The following ASIC2 variants were observed in gnomAD, a reference collection of about 807,000 sequenced individuals.
ASIC2 encodes acid-sensing ion channel 2.
ASIC2 carries 25 observed loss-of-function variants against 57.3 expected under a neutral mutation model. That is an observed-to-expected ratio of 0.44 (90% CI 0.32 to 0.61). The LOEUF (loss-of-function observed/expected upper bound fraction) is 0.61. Ranked by LOEUF, ASIC2 falls within the 20% of genes least tolerant of loss-of-function variation. The pLI, the probability that ASIC2 is intolerant of heterozygous loss-of-function variation, is 0.06. For missense variants in ASIC2, 641 were observed against 738.1 expected, an observed-to-expected ratio of 0.87 and a Z score of 1.52; for synonymous variants, 319 against 307.5, an observed-to-expected ratio of 1.04 and a Z score of -0.39.
At chr17:33,237,767 C>T (rs1908351640) in intron 1 of ASIC2, among the ~76,000 whole-genome samples, 1 of 152,198 alleles carries the variant, frequency 6.6e-6, no homozygotes. Flanking sequence ...AGGGTGGATA[C>T]TGCACTATTA....
chr17:34,073,684 C>T (rs904615391), intron 1 of ASIC2, among the ~76,000 whole-genome samples: 4 of 152,276 alleles, frequency 2.6e-5, no homozygotes, highest in East Asian at 3.9e-4. Context: ...TTTGACTTAC[C>T]TACTTTATTT....
At chr17:33,523,342 C>T (rs1311261131) in intron 1 of ASIC2, among the ~76,000 whole-genome samples, 3 of 152,140 alleles carry the variant, frequency 2.0e-5, no homozygotes, top group Non-Finnish European at 2.9e-5. Flanking sequence ...CTGCAACCTC[C>T]TACTCCCAGA....
intron 1 of ASIC2, among the ~76,000 whole-genome samples, chr17:33,671,213 C>A (rs544311260): frequency 6.6e-6 from 1 of 152,214 alleles, no homozygotes; most frequent in African/African-American, 2.4e-5. Context: ...CTTTCTTCGT[C>A]TCACATGGCA....
At chr17:33,887,848 C>T (rs1914864987) in intron 1 of ASIC2, among the ~76,000 whole-genome samples, 1 of 152,120 alleles carries the variant, frequency 6.6e-6, no homozygotes, top group African/African-American at 2.4e-5. Context: ...CAAATATATA[C>T]ACAGACAGTC....
At chr17:33,740,096 G>T (rs777605971) in intron 1 of ASIC2, among the ~76,000 whole-genome samples, 1 of 152,144 alleles carries the variant, frequency 6.6e-6, no homozygotes, top group Non-Finnish European at 1.5e-5. Flanking sequence ...GAGAGCCAGG[G>T]TTATTCAAAG....
chr17:33,730,568 G>C (rs1185058661), intron 1 of ASIC2, among the ~76,000 whole-genome samples: 6 of 152,194 alleles, frequency 3.9e-5, no homozygotes, highest in Non-Finnish European at 7.3e-5. Flanking sequence ...GAATATAAAT[G>C]AACCATTCTA....
chr17:33,324,335 G>T (rs2142218734), intron 1 of ASIC2, among the ~76,000 whole-genome samples: 1 of 152,164 alleles, frequency 6.6e-6, no homozygotes, highest in South Asian at 2.1e-4. Flanking sequence ...CATTATCACT[G>T]GGCAACTTGA....
intron 1 of ASIC2, among the ~76,000 whole-genome samples, chr17:33,363,918 C>A (rs1037180808): frequency 3.3e-5 from 5 of 152,202 alleles, no homozygotes; most frequent in African/African-American, 1.2e-4. Context: ...CCACCTGCAG[C>A]CAGCCTCCCG....
chr17:34,129,311 G>T (rs1911884527), intron 1 of ASIC2, among the ~76,000 whole-genome samples: 1 of 152,172 alleles, frequency 6.6e-6, no homozygotes, highest in Non-Finnish European at 1.5e-5. Context: ...GCCCCACTCT[G>T]CCTCACTCTG....
intron 1 of ASIC2, among the ~76,000 whole-genome samples, chr17:33,537,048 C>T (rs980299487): frequency 6.6e-6 from 1 of 152,202 alleles, no homozygotes; most frequent in Admixed American, 6.5e-5. Flanking sequence ...CACCACATCA[C>T]TTCCCTGCCC....
chr17:33,685,459 G>C lies in ASIC2; in HGVS notation c.555+470519C>G, dbSNP rs572021168. Among the ~76,000 whole-genome samples, 4 of 152,218 alleles carry C rather than the reference G, an allele frequency of 2.6e-5. No individual in the cohort carries two copies. The East Asian group carries it at 5.8e-4, about 22-fold the overall frequency. On this transcript the variant is annotated intron_variant, in intron 1 of 9. Transcript: ENST00000359872. The stretch of plus-strand genomic sequence containing the variant: ...CTCCAGCAGCCCCCTCTAACACCCT[G>C]CTCCCACCTGAGCTCCAAATTACCC...
intron 1 of ASIC2, among the ~76,000 whole-genome samples, chr17:33,708,703 T>G (rs1205708866): frequency 6.6e-6 from 1 of 152,086 alleles, no homozygotes; most frequent in Non-Finnish European, 1.5e-5. Flanking sequence ...CGTACCCCAC[T>G]CCAACGTCAC....
At chr17:33,418,028 ATGTGTGTGTG>A (rs1161141315) in intron 1 of ASIC2, among the ~76,000 whole-genome samples, 68 of 67,820 alleles carry the variant, frequency 1.0e-3, no homozygotes, top group African/African-American at 2.0e-3. Flanking sequence ...GCATGTATGT[ATGTGTGTGTG>A]TGTGTGTGTG....
intron 1 of ASIC2, among the ~76,000 whole-genome samples, chr17:33,319,563 T>G (rs750687068): frequency 6.6e-6 from 1 of 152,266 alleles, no homozygotes; most frequent in Non-Finnish European, 1.5e-5. Context: ...TGAGATATTT[T>G]GATACAGCCA....
chr17:33,763,696 A>G (rs1360931722), intron 1 of ASIC2, among the ~76,000 whole-genome samples: 1 of 152,146 alleles, frequency 6.6e-6, no homozygotes, highest in Non-Finnish European at 1.5e-5. Context: ...GCATATTCCA[A>G]ATAATGGCTG....
chr17:33,236,373 C>T (rs899274905), intron 1 of ASIC2, among the ~76,000 whole-genome samples: 1 of 150,730 alleles, frequency 6.6e-6, no homozygotes, highest in African/African-American at 2.4e-5. Context: ...GGAATAGCAT[C>T]TTCCTCTGTG....
chr17:33,517,276 T>C (rs1914600756), intron 1 of ASIC2, among the ~76,000 whole-genome samples: 1 of 152,140 alleles, frequency 6.6e-6, no homozygotes, highest in Non-Finnish European at 1.5e-5. Flanking sequence ...CCACCATGCC[T>C]GGCTAGTTTT....
At chr17:33,429,236 T>TAA (rs1434665507) in intron 1 of ASIC2, among the ~76,000 whole-genome samples, 1 of 152,168 alleles carries the variant, frequency 6.6e-6, no homozygotes, top group Non-Finnish European at 1.5e-5. Flanking sequence ...CAGAATTTAA[T>TAA]AAAACCCTCT....
At chr17:33,614,664 A>G (rs933323844) in intron 1 of ASIC2, among the ~76,000 whole-genome samples, 3 of 152,388 alleles carry the variant, frequency 2.0e-5, no homozygotes, top group Admixed American at 1.3e-4. Flanking sequence ...AAATACAAAT[A>G]AGAAAGCACA....
Sources: allele counts gnomAD v4.1 joint callset (sites outside exome capture counted in the v4.1 genomes callset), GRCh38; gene constraint gnomAD v4.1.1; transcripts MANE v1.5; gene names NCBI Gene and HGNC (gene_info 2026-07-23, HGNC 2026-07-21).